DMD: variants seen among roughly 807,000 people sequenced by gnomAD.
DMD encodes dystrophin, also known as mutant dystrophin.
Under a neutral mutation model 330.1 loss-of-function variants are expected in DMD, and 63 were observed. The observed-to-expected ratio is 0.19, with a 90% CI of 0.16 to 0.24. DMD has a LOEUF of 0.24. Among genes scored for constraint, DMD ranks in the 10% least tolerant of loss-of-function variants. The probability of loss-of-function intolerance (pLI) is 1.00; values close to 1 mark genes in which losing one functional copy is unlikely to be tolerated. For missense variants in DMD, 3,344 were observed against 2,684.1 expected, an observed-to-expected ratio of 1.25 and a Z score of -5.43; for synonymous variants, 1,223 against 959.8, an observed-to-expected ratio of 1.27 and a Z score of -5.07.
intron 31 of DMD, 128 bp downstream of exon 31, chrX:32,389,943 A>G: frequency 1.7e-6 from 1 of 576,636 alleles, no homozygotes; most frequent in Non-Finnish European, 2.9e-6. Context: ...CTCATTGTTT[A>G]GACATCAAAT....
intron 55 of DMD, among the ~76,000 whole-genome samples, chrX:31,616,612 T>C (rs2078215661): frequency 8.9e-6 from 1 of 112,242 alleles, no homozygotes; most frequent in Admixed American, 9.4e-5. Flanking sequence ...CACACAGTCT[T>C]GGACAATGGA....
intron 52 of DMD, among the ~76,000 whole-genome samples, chrX:31,680,310 T>C (rs1290110912): frequency 9.0e-6 from 1 of 111,384 alleles, no homozygotes; most frequent in African/African-American, 3.3e-5. Context: ...TCTTAAAACC[T>C]TTTCCAAGGG....
intron 44 of DMD, among the ~76,000 whole-genome samples, chrX:32,066,267 A>C (rs1340189391): frequency 8.9e-6 from 1 of 111,747 alleles, no homozygotes; most frequent in Non-Finnish European, 1.9e-5. Flanking sequence ...CTTATAAATA[A>C]ATGTATAACA....
chrX:31,958,096 GTTTT>G (rs745655022), intron 45 of DMD, among the ~76,000 whole-genome samples: 3 of 74,594 alleles, frequency 4.0e-5, no homozygotes, highest in Non-Finnish European at 5.0e-5. Flanking sequence ...CATTTGGCCT[GTTTT>G]TTTTTTTTTT....
chrX:32,226,499 A>C (rs1008945101), intron 43 of DMD, among the ~76,000 whole-genome samples: 3 of 111,996 alleles, frequency 2.7e-5, no homozygotes, highest in Non-Finnish European at 3.8e-5. Flanking sequence ...TGTACCTCTT[A>C]GAATAAGGAA....
intron 2 of DMD, among the ~76,000 whole-genome samples, chrX:32,931,568 T>G (rs1324457077): frequency 9.0e-6 from 1 of 111,581 alleles, no homozygotes; most frequent in Non-Finnish European, 1.9e-5. Flanking sequence ...CAGTGAGAGA[T>G]TCAAACAAAC....
intron 7 of DMD, among the ~76,000 whole-genome samples, chrX:32,807,788 G>A (rs922600385): frequency 2.7e-5 from 3 of 111,406 alleles, no homozygotes; most frequent in Non-Finnish European, 5.7e-5. Context: ...TATTCTGTAA[G>A]TTCAAAGGAG....
intron 9 of DMD, among the ~76,000 whole-genome samples, chrX:32,660,327 A>G (rs1252448405): frequency 9.0e-6 from 1 of 111,076 alleles, no homozygotes; most frequent in Non-Finnish European, 1.9e-5. Flanking sequence ...GGATTAAAGG[A>G]TATGTACAGA....
chrX:31,753,335 A>G (rs1000131984), intron 51 of DMD, among the ~76,000 whole-genome samples: 2 of 112,326 alleles, frequency 1.8e-5, no homozygotes, highest in African/African-American at 6.5e-5. Flanking sequence ...ATGAAATACA[A>G]ACATGTAGAC....
At chrX:32,438,094 A>C in intron 29 of DMD, 147 bp downstream of exon 29, 4 of 606,734 alleles carry the variant, frequency 6.6e-6, no homozygotes, top group Non-Finnish European at 1.0e-5. Context: ...ACATGTAAAG[A>C]ATTTACCCAG....
intron 44 of DMD, among the ~76,000 whole-genome samples, chrX:32,150,080 C>T (rs1304066527): frequency 8.9e-6 from 1 of 112,176 alleles, no homozygotes; most frequent in East Asian, 2.8e-4. Context: ...GCCTCAAGGC[C>T]ACCCTCCAAC....
chrX:31,400,038 G>A (rs1004376783), intron 60 of DMD, among the ~76,000 whole-genome samples: 1 of 111,702 alleles, frequency 9.0e-6, no homozygotes, highest in African/African-American at 3.3e-5. Flanking sequence ...ATGGTATGTA[G>A]GAAACACAAT....
chrX:32,883,823 C>CCAAAAA (rs1169678184), intron 2 of DMD, among the ~76,000 whole-genome samples: 2 of 30,352 alleles, frequency 6.6e-5, no homozygotes, highest in African/African-American at 2.9e-4. Context: ...GACTCTGTTT[C>CCAAAAA]AAAAAAAAAA....
chrX:32,376,795 C>G (rs1157177684), intron 34 of DMD, among the ~76,000 whole-genome samples: 1 of 109,443 alleles, frequency 9.1e-6, no homozygotes, highest in Non-Finnish European at 1.9e-5. Context: ...TTTTGATAAA[C>G]CGCATTGGTG....
chrX:31,587,648 G>A (rs748824628), intron 55 of DMD, among the ~76,000 whole-genome samples: 3 of 111,251 alleles, frequency 2.7e-5, no homozygotes, highest in Non-Finnish European at 3.8e-5. Flanking sequence ...AGGCCCTTAT[G>A]ACTTTTTCTG....
At chrX:32,115,414 G>A (rs771652793) in intron 44 of DMD, among the ~76,000 whole-genome samples, 3 of 110,208 alleles carry the variant, frequency 2.7e-5, no homozygotes, top group East Asian at 2.9e-4. Flanking sequence ...TTTTGCGCGC[G>A]TGTGTGTGTG....
At chrX:32,006,859 C>T (rs1445543447) in intron 44 of DMD, among the ~76,000 whole-genome samples, 2 of 109,423 alleles carry the variant, frequency 1.8e-5, no homozygotes, top group Non-Finnish European at 3.8e-5. Context: ...AAATGTGGCA[C>T]ATATACACCA....
At chrX:32,571,517 G>T (rs2052417285) in intron 15 of DMD, among the ~76,000 whole-genome samples, 1 of 111,101 alleles carries the variant, frequency 9.0e-6, no homozygotes, top group African/African-American at 3.3e-5. Context: ...ATTCCTCCCT[G>T]AAATCTATTC....
At chrX:32,894,114 T>G (rs992988748) in intron 2 of DMD, among the ~76,000 whole-genome samples, 1 of 112,013 alleles carries the variant, frequency 8.9e-6, no homozygotes, top group Non-Finnish European at 1.9e-5. Context: ...CCATGAGAAT[T>G]AATGCTATTT....
Sources: allele counts gnomAD v4.1 joint callset (sites outside exome capture counted in the v4.1 genomes callset), GRCh38; gene constraint gnomAD v4.1.1; transcripts MANE v1.5; gene names NCBI Gene and HGNC (gene_info 2026-07-23, HGNC 2026-07-21).